The following CDYL2 variants were observed in gnomAD, a reference collection of about 807,000 sequenced individuals.
CDYL2 encodes chromodomain Y like 2.
CDYL2 carries 23 observed loss-of-function variants against 49.4 expected under a neutral mutation model. That is an observed-to-expected ratio of 0.47 (90% confidence interval 0.34 to 0.66). CDYL2 has a LOEUF of 0.66. Among genes scored for constraint, CDYL2 ranks in the 30% least tolerant of loss-of-function variants. The pLI is 0.01. For synonymous variants in CDYL2, 360 were observed against 268.8 expected (o/e 1.34, Z -3.32); for missense variants, 678 against 656.4 (o/e 1.03, Z -0.36).
At chr16:80,788,871 A>G (rs1350268477) in intron 1 of CDYL2, among the ~76,000 whole-genome samples, 1 of 152,206 alleles carries the variant, frequency 6.6e-6, no homozygotes, top group Non-Finnish European at 1.5e-5. Flanking sequence ...AATACCCAGA[A>G]TCTACAAAGA....
intron 1 of CDYL2, among the ~76,000 whole-genome samples, chr16:80,713,878 G>C (rs916671330): frequency 2.0e-5 from 3 of 152,114 alleles, no homozygotes; most frequent in African/African-American, 7.2e-5. Flanking sequence ...CTACATGCAG[G>C]TGTGCCAACC....
intron 1 of CDYL2, among the ~76,000 whole-genome samples, chr16:80,768,910 T>C (rs1385152939): frequency 6.6e-6 from 1 of 152,214 alleles, no homozygotes; most frequent in South Asian, 2.1e-4. Flanking sequence ...ATAATAAGTA[T>C]CCATAAATAT....
intron 1 of CDYL2, among the ~76,000 whole-genome samples, chr16:80,732,689 T>C (rs1905372277): frequency 6.6e-6 from 1 of 152,208 alleles, no homozygotes; most frequent in South Asian, 2.1e-4. Flanking sequence ...GATTAATGTA[T>C]GAAAACATTT....
intron 2 of CDYL2, among the ~76,000 whole-genome samples, chr16:80,675,992 T>C (rs1443899096): frequency 1.3e-5 from 2 of 152,156 alleles, no homozygotes; most frequent in Non-Finnish European, 2.9e-5. Context: ...CAAGACTCCA[T>C]CATCCTCTTC....
rs1910064959 is a variant in CDYL2, at chr16:80,683,829, C to T, written c.616+709G>A. On this transcript the variant is annotated intron_variant, in intron 2 of 6. Coordinates refer to ENST00000570137, the MANE Select transcript of CDYL2 (RefSeq NM_152342.4). The stretch of plus-strand genomic sequence containing the variant: ...AAGGCACCAGCTAAGAGGAACAGGC[C>T]CTCACCCGATGCAGCATCTGCTGGT... Among the ~76,000 whole-genome samples, 3 of 152,308 alleles carry T rather than the reference C, an allele frequency of 2.0e-5. No homozygotes were observed. In the South Asian group the frequency reaches 6.2e-4, roughly 32 times the overall value.
At position 80,765,163 on chromosome 16, in the gene CDYL2, TATATA is replaced by T. The variant is rs376383946; in HGVS notation, c.24+38982_24+38986del. On this transcript the variant is annotated intron_variant, in intron 1 of 6. Coordinates refer to ENST00000570137, the MANE Select transcript of CDYL2 (RefSeq NM_152342.4). ...ATATAGTACTATATGTTATACAATATATATAATATATTATATAATAATATACTGGT... is the reference window on the plus strand; with the variant it reads ...ATATAGTACTATATGTTATACAATATATATATTATATAATAATATACTGGT... 8.1e-3 allele frequency among the ~76,000 whole-genome samples: 1,162 copies of T among 144,080 alleles called. 14 individuals are homozygous for T. The highest frequency in any genetic ancestry group is 0.028 in the African/African-American group (1,125 of 39,504). 94.5% of individuals were successfully genotyped at this position (144,080 alleles called of 152,430 possible).
intron 1 of CDYL2, among the ~76,000 whole-genome samples, chr16:80,692,546 T>A (rs16953843): frequency 6.6e-6 from 1 of 152,194 alleles, no homozygotes; most frequent in Non-Finnish European, 1.5e-5. Context: ...GTAGTAAGAA[T>A]ACATATTAGG....
At chr16:80,719,309 A>G (rs1328862445) in intron 1 of CDYL2, among the ~76,000 whole-genome samples, 2 of 152,138 alleles carry the variant, frequency 1.3e-5, no homozygotes, top group African/African-American at 4.8e-5. Context: ...GGCCTTGAGC[A>G]AGTCTTCTAA....
intron 1 of CDYL2, among the ~76,000 whole-genome samples, chr16:80,730,478 A>C (rs1319954609): frequency 6.6e-6 from 1 of 152,144 alleles, no homozygotes; most frequent in Non-Finnish European, 1.5e-5. Context: ...CCAACCAAAA[A>C]GAGTCCAGGA....
At chr16:80,680,002 C>T (rs1909907190) in intron 2 of CDYL2, among the ~76,000 whole-genome samples, 1 of 152,224 alleles carries the variant, frequency 6.6e-6, no homozygotes, top group Non-Finnish European at 1.5e-5. Context: ...AAGCCATAGG[C>T]CACTTCCCAT....
At chr16:80,789,623 T>C (rs1473537151) in intron 1 of CDYL2, among the ~76,000 whole-genome samples, 1 of 151,990 alleles carries the variant, frequency 6.6e-6, no homozygotes, top group Non-Finnish European at 1.5e-5. Context: ...CCTGCACTTC[T>C]ATGTTCATCA....
chr16:80,728,766 T>TA (rs1291023156), intron 1 of CDYL2, among the ~76,000 whole-genome samples: 4 of 152,132 alleles, frequency 2.6e-5, no homozygotes, highest in African/African-American at 7.2e-5. Context: ...GCAGAAACTC[T>TA]ACAAGCCAGA....
chr16:80,782,151 A>G (rs1382922529), intron 1 of CDYL2, among the ~76,000 whole-genome samples: 1 of 152,034 alleles, frequency 6.6e-6, no homozygotes, highest in Non-Finnish European at 1.5e-5. Flanking sequence ...AGAAGGCTCA[A>G]TGAGAAATGA....
At chr16:80,778,877 G>C (rs1366607011) in intron 1 of CDYL2, among the ~76,000 whole-genome samples, 2 of 152,078 alleles carry the variant, frequency 1.3e-5, no homozygotes, top group Non-Finnish European at 2.9e-5. Flanking sequence ...TTTCAAGTCA[G>C]AGGGAAAATA....
intron 1 of CDYL2, among the ~76,000 whole-genome samples, chr16:80,760,434 G>A (rs750465739): frequency 2.0e-5 from 3 of 152,268 alleles, no homozygotes; most frequent in East Asian, 1.9e-4. Flanking sequence ...ACAACAGGGT[G>A]ACTATAGTCA....
intron 1 of CDYL2, among the ~76,000 whole-genome samples, chr16:80,715,099 G>C (rs1378095812): frequency 6.6e-6 from 1 of 151,984 alleles, no homozygotes; most frequent in African/African-American, 2.4e-5. Flanking sequence ...CTGGAGATGA[G>C]ATCAAAGTAA....
At chr16:80,769,677 C>A (rs1240632688) in intron 1 of CDYL2, among the ~76,000 whole-genome samples, 2 of 152,156 alleles carry the variant, frequency 1.3e-5, no homozygotes, top group Non-Finnish European at 2.9e-5. Flanking sequence ...GAAACCAGTA[C>A]TTTTATGGGT....
intron 2 of CDYL2, among the ~76,000 whole-genome samples, chr16:80,640,245 G>A (rs1457691834): frequency 1.3e-5 from 2 of 152,292 alleles, no homozygotes; most frequent in East Asian, 3.9e-4. Context: ...GAGAAGAGTA[G>A]GGAGGACTTT....
intron 1 of CDYL2, among the ~76,000 whole-genome samples, chr16:80,782,763 T>G (rs1295770278): frequency 2.0e-5 from 3 of 151,848 alleles, no homozygotes; most frequent in Non-Finnish European, 4.4e-5. Context: ...TCATCCCAAT[T>G]GACAGAGAAA....
Sources: allele counts gnomAD v4.1 joint callset (sites outside exome capture counted in the v4.1 genomes callset), GRCh38; gene constraint gnomAD v4.1.1; transcripts MANE v1.5; gene names NCBI Gene and HGNC (gene_info 2026-07-23, HGNC 2026-07-21).